SWAP70: variants seen among roughly 807,000 people sequenced by gnomAD.
SWAP70 encodes switching B cell complex subunit SWAP70.
A neutral mutation model predicts 80.2 loss-of-function variants in SWAP70; 34 were observed. The ratio of observed to expected loss-of-function variants is 0.42; its 90% CI spans 0.32 to 0.56. The LOEUF (loss-of-function observed/expected upper bound fraction) is 0.56, where lower values mean the gene tolerates loss of function less well. SWAP70 is among the 20% of genes least tolerant of loss of function. The pLI, the probability that SWAP70 is intolerant of heterozygous loss-of-function variation, is 0.09. For synonymous variants in SWAP70, 239 were observed against 238.5 expected (o/e 1.00, Z -0.02); for missense variants, 578 against 690.7 (o/e 0.84, Z 1.83).
chr11:9,664,107 A>G lies in SWAP70; in HGVS notation c.-73A>G. On this transcript the variant is annotated 5_prime_UTR_variant, in exon 1 of 12. Coordinates refer to ENST00000318950, the MANE Select transcript of SWAP70 (RefSeq NM_015055.4). ...ACTGCGCGGCGGGCTGTGGCTGCGG[A>G]GGTTGAGGGGCGTCCGAGGCGCGGA... The G allele has an allele frequency of 3.6e-6, 5 of 1,376,090 alleles. No individual in the cohort carries two copies. Among genetic ancestry groups the G allele is most frequent in the Non-Finnish European group, 4.9e-6 (5 of 1,030,234 alleles). 85.2% of individuals were successfully genotyped at this position (1,376,090 alleles called of 1,614,324 possible). A position where few individuals can be genotyped will look rare whatever the true frequency, so the allele number is the denominator to read the frequency against.
intron 1 of SWAP70, among the ~76,000 whole-genome samples, chr11:9,685,449 C>T (rs1850619041): frequency 6.6e-6 from 1 of 152,108 alleles, no homozygotes; most frequent in Non-Finnish European, 1.5e-5. Flanking sequence ...AAGATGCTAG[C>T]AGATTGAGTG....
chr11:9,667,344 T>G (rs945684195), intron 1 of SWAP70, among the ~76,000 whole-genome samples: 1 of 152,028 alleles, frequency 6.6e-6, no homozygotes, highest in Non-Finnish European at 1.5e-5. Flanking sequence ...CTCCACTTCC[T>G]GGCTCAAGCG....
rs192983188 is a variant in SWAP70 at position 9,730,887 on chromosome 11, G to A, written c.898+1436G>A. On this transcript the variant is annotated intron_variant, in intron 6 of 11. Coordinates refer to ENST00000318950, the MANE Select transcript of SWAP70 (RefSeq NM_015055.4). ...ATTGAATCTATCACCCAGGAAGTGA[G>A]CATTGTACCCAACAGCTAGAGTTTT... is the stretch of plus-strand genomic sequence containing the variant. 4.6e-5 allele frequency among the ~76,000 whole-genome samples: 7 copies of A among 152,300 alleles called. No individual in the cohort carries two copies. In the East Asian group the frequency reaches 1.2e-3, roughly 25 times the overall value.
chr11:9,682,669 CTTTATT>C (rs1203527878), intron 1 of SWAP70, among the ~76,000 whole-genome samples: 9 of 152,026 alleles, frequency 5.9e-5, no homozygotes, highest in East Asian at 1.9e-4. Flanking sequence ...AATGTCTTGT[CTTTATT>C]TTTATTTTTA....
At chr11:9,708,306 G>A (rs1375102538) in intron 2 of SWAP70, among the ~76,000 whole-genome samples, 1 of 152,076 alleles carries the variant, frequency 6.6e-6, no homozygotes, top group African/African-American at 2.4e-5. Flanking sequence ...AATAACACTT[G>A]TTATTTTCTG....
In SWAP70 at chr11:9,749,014, G is replaced by C. The variant is rs1851548078; in HGVS notation, c.1555-73G>C. The C allele has an allele frequency of 7.1e-6, 6 of 843,982 alleles. No individual in the cohort carries two copies. In the South Asian group the frequency reaches 9.9e-5, roughly 14 times the overall value. The allele number at this position is 843,982 out of a possible 1,614,324, so 52.3% of individuals were successfully genotyped here. A position where few individuals can be genotyped will look rare whatever the true frequency, so the allele number is the denominator to read the frequency against. On this transcript the variant is annotated intron_variant, in intron 10 of 11. Transcript: ENST00000318950. ...GAGATAATTCACAAATACATAGTAA[G>C]GGCCCAATAGTTGTGATTTGGTTCT...
chr11:9,680,501 C>T (rs1035792605), intron 1 of SWAP70, among the ~76,000 whole-genome samples: 8 of 152,198 alleles, frequency 5.3e-5, no homozygotes, highest in African/African-American at 1.2e-4. Flanking sequence ...CTGCAACCTC[C>T]GCCTCCTGGG....
chr11:9,741,845 C>T (rs1851442425), intron 9 of SWAP70: 1 of 143,154 alleles, frequency 7.0e-6, no homozygotes, highest in Non-Finnish European at 1.5e-5. Context: ...CAAAGTGTGG[C>T]TCACCCACCA....
intron 2 of SWAP70, among the ~76,000 whole-genome samples, chr11:9,703,944 A>G (rs1400882540): frequency 6.6e-6 from 1 of 152,202 alleles, no homozygotes; most frequent in Non-Finnish European, 1.5e-5. Context: ...AGAAGAGCCT[A>G]CCATTTTACT....
chr11:9,693,406 G>A (rs1173843276), intron 1 of SWAP70, among the ~76,000 whole-genome samples: 1 of 152,164 alleles, frequency 6.6e-6, no homozygotes, highest in African/African-American at 2.4e-5. Context: ...CCCTTTATAT[G>A]TATTTATGCT....
intron 2 of SWAP70, among the ~76,000 whole-genome samples, chr11:9,696,986 A>T (rs1330468809): frequency 1.3e-5 from 2 of 152,226 alleles, no homozygotes; most frequent in African/African-American, 4.8e-5. Flanking sequence ...CTGAGGTGAG[A>T]GGATTGTTTG....
intron 1 of SWAP70, among the ~76,000 whole-genome samples, chr11:9,682,326 G>A (rs570110650): frequency 6.6e-6 from 1 of 152,304 alleles, no homozygotes; most frequent in African/African-American, 2.4e-5. Context: ...ATGAAAAAGA[G>A]ATAGAAGAAG....
At chr11:9,671,213 AT>A (rs1850375765) in intron 1 of SWAP70, among the ~76,000 whole-genome samples, 4 of 83,580 alleles carry the variant, frequency 4.8e-5, no homozygotes, top group Non-Finnish European at 4.0e-5. Flanking sequence ...ATAAATATAA[AT>A]ATAAAAATAT....
At chr11:9,693,180 G>A (rs1398956381) in intron 1 of SWAP70, among the ~76,000 whole-genome samples, 1 of 152,214 alleles carries the variant, frequency 6.6e-6, no homozygotes, top group Admixed American at 6.5e-5. Context: ...TTTACCTGGG[G>A]TTCAACTAGG....
At chr11:9,700,556 C>G (rs752306198) in intron 2 of SWAP70, among the ~76,000 whole-genome samples, 5 of 152,256 alleles carry the variant, frequency 3.3e-5, no homozygotes, top group African/African-American at 1.2e-4. Flanking sequence ...CATGTTAATT[C>G]TGTGAGGCAG....
intron 9 of SWAP70, among the ~76,000 whole-genome samples, chr11:9,744,957 T>G (rs1213395032): frequency 6.6e-6 from 1 of 152,164 alleles, no homozygotes; most frequent in Non-Finnish European, 1.5e-5. Context: ...CCATAATCTG[T>G]CCTGTTGTAA....
chr11:9,673,139 G>C (rs1293961879), intron 1 of SWAP70, among the ~76,000 whole-genome samples: 1 of 152,144 alleles, frequency 6.6e-6, no homozygotes, highest in Non-Finnish European at 1.5e-5. Context: ...CGCACAGTTT[G>C]AGGGCTCAGT....
intron 1 of SWAP70, among the ~76,000 whole-genome samples, chr11:9,682,869 GT>G (rs1850585129): frequency 6.6e-6 from 1 of 152,156 alleles, no homozygotes; most frequent in African/African-American, 2.4e-5. Flanking sequence ...TAGATACAGG[GT>G]TTTTGCCATG....
At position 9,714,268 on chromosome 11, in the gene SWAP70, C is replaced by T. The variant is rs543380122; in HGVS notation, c.414+629C>T. Among the ~76,000 whole-genome samples, 68 of 135,324 alleles carry T rather than the reference C, an allele frequency of 5.0e-4. 1 individual carries two copies. In the South Asian group the frequency reaches 0.01, roughly 20 times the overall value. 88.8% of individuals were successfully genotyped at this position (135,324 alleles called of 152,430 possible). A position where few individuals can be genotyped will look rare whatever the true frequency, so the allele number is the denominator to read the frequency against. The stretch of plus-strand genomic sequence containing the variant: ...ACACAATTAAAATCAGCTGTAGTCC[C>T]CACACTTTAAAAAAAAGTCATCTAT... On this transcript the variant is annotated intron_variant, in intron 3 of 11. Transcript: ENST00000318950.
Sources: gnomAD v4.1 joint callset for allele counts (sites outside exome capture counted in the v4.1 genomes callset) on GRCh38, gnomAD v4.1.1 for gene constraint, MANE v1.5 for transcripts, NCBI Gene and HGNC (gene_info 2026-07-23, HGNC 2026-07-21) for gene names.